Variants in NOL11 observed in about 807,000 individuals in gnomAD.
NOL11 encodes nucleolar protein 11.
In NOL11, 42 loss-of-function variants were observed where a neutral mutation model predicts 93.0. That is an observed-to-expected ratio of 0.45 (90% CI 0.35 to 0.58). The LOEUF is 0.58. Ranked by LOEUF, NOL11 falls within the 20% of genes least tolerant of loss-of-function variation. The pLI, the probability that NOL11 is intolerant of heterozygous loss-of-function variation, is 0.00. For synonymous variants in NOL11, 296 were observed against 293.7 expected, an observed-to-expected ratio of 1.01 and a Z score of -0.08; for missense variants, 775 against 841.8, an observed-to-expected ratio of 0.92 and a Z score of 0.98.
rs1219799073 is a variant in NOL11 at position 67,739,570 on chromosome 17, A to G, written c.1897A>G (p.Met633Val). The G allele has an allele frequency of 6.2e-6, 10 of 1,602,266 alleles. No individual in the cohort carries two copies. The highest frequency in any genetic ancestry group is 1.3e-5 in the African/African-American group (1 of 74,252). Residue 633 changes from methionine to valine, a missense_variant, in exon 16 of 18, where the codon ATG becomes GTG. Coordinates refer to ENST00000253247, the MANE Select transcript of NOL11 (RefSeq NM_015462.5). ...LYLKCSENAT[M>V]TLPGIHPPTL... ...CCTGAAGTGTAGCGAAAATGCTACTATGACTCTTCCTGGAATACACCCACC... is the reference window on the plus strand; with the variant it reads ...CCTGAAGTGTAGCGAAAATGCTACTGTGACTCTTCCTGGAATACACCCACC...
chr17:67,738,902 G>C (rs769494904), intron 14 of NOL11, 30 bp from the exon 15 acceptor site: 13 of 1,405,952 alleles, frequency 9.2e-6, no homozygotes. Flanking sequence ...GCTTCTATTT[G>C]TTGAAGTACG....
intron 16 of NOL11, among the ~76,000 whole-genome samples, chr17:67,741,597 A>T (rs2055257432): frequency 6.6e-6 from 1 of 151,922 alleles, no homozygotes. Flanking sequence ...TCTGAGACAG[A>T]GCCTTGCCCT....
In NOL11 at chr17:67,743,574, T is replaced by A; in HGVS notation, c.2031T>A (p.Leu677=). ...GGCTACTGATAAATCTTTACAAGCT[T>A]GTAAAATCTCAGGTTTGTGATTATT... ...AKRLLINLYK[L]VKSQISVYSE... is the part of the protein sequence containing the mutation. The change falls in exon 17 of 18, where the codon CTT becomes CTA. Residue 677 remains leucine (L), a synonymous_variant. Coordinates refer to ENST00000253247, the MANE Select transcript of NOL11 (RefSeq NM_015462.5). The A allele has an allele frequency of 6.3e-7, 1 of 1,591,986 alleles. No individual in the cohort carries two copies. The highest frequency in any genetic ancestry group is 2.2e-5 in the East Asian group (1 of 44,576).
At chr17:67,734,119 T>G (rs1165227769) in intron 7 of NOL11, among the ~76,000 whole-genome samples, 2 of 152,214 alleles carry the variant, frequency 1.3e-5, no homozygotes, top group African/African-American at 4.8e-5. Context: ...TGGGCTTTTC[T>G]TTGTTGGGTG....
At chr17:67,729,546 C>T (rs1349019703) in intron 7 of NOL11, among the ~76,000 whole-genome samples, 2 of 151,970 alleles carry the variant, frequency 1.3e-5, no homozygotes, top group Non-Finnish European at 1.5e-5. Flanking sequence ...ATGGATTTAC[C>T]TTTTTGGGAT....
At chr17:67,728,376 C>G in intron 7 of NOL11, among the ~76,000 whole-genome samples, 1 of 152,212 alleles carries the variant, frequency 6.6e-6, no homozygotes, top group Non-Finnish European at 1.5e-5. Context: ...AAAGTTGTTA[C>G]TATCCCCCTT....
rs760396053 is a variant in NOL11 at position 67,738,201 on chromosome 17, G to A, written c.1609G>A (p.Glu537Lys). ...FDYSINSVHD[E>K]KMEEQTEILQ... ...CTATAGTATAAATTCTGTACATGAT[G>A]AGAAAATGGAAGAGCAAACTGAAAT... The change falls in exon 14 of 18, where the codon GAG (glutamate) becomes AAG (lysine). Residue 537 changes from glutamate (E) to lysine (K), a missense_variant. Around this residue, in one of 2 missense-constraint regions of NOL11, gnomAD observed 416 missense variants for 525.2 expected, o/e 0.79. Transcript: ENST00000253247. 1 of 1,613,260 alleles carries A rather than the reference G, an allele frequency of 6.2e-7. No individual in the cohort carries two copies. Among genetic ancestry groups the A allele is most frequent in the Non-Finnish European group, 8.5e-7 (1 of 1,179,600 alleles).
rs781770292 is a variant in NOL11, at chr17:67,721,412, A to G, written c.347A>G (p.Gln116Arg). The part of the protein sequence containing the change: ...SAEVYRILSV[Q>R]GTEPLVLFKE... ...GAAGTATATAGGATACTTTCAGTGC[A>G]AGGGACAGAACCCTTGGTGCTCTTC... The change falls in exon 4 of 18, where the codon CAA (glutamine) becomes CGA (arginine). Residue 116 changes from glutamine (Q) to arginine (R), a missense_variant. Physicochemically the swap from Gln to Arg is conservative, Grantham distance 43. Around this residue, in one of 2 missense-constraint regions of NOL11, gnomAD observed 359 missense variants for 316.5 expected, o/e 1.13. Transcript: ENST00000253247. The G allele has an allele frequency of 2.5e-6, 4 of 1,608,744 alleles. No homozygotes were observed. The highest frequency in any genetic ancestry group is 3.4e-6 in the Non-Finnish European group (4 of 1,178,266).
At chr17:67,734,742 G>C (rs943540787) in intron 8 of NOL11, among the ~76,000 whole-genome samples, 12 of 152,178 alleles carry the variant, frequency 7.9e-5, no homozygotes, top group African/African-American at 1.4e-4. Flanking sequence ...GGAGTTCAAG[G>C]CTTCAGTGCT....
At position 67,737,534 on chromosome 17, in the gene NOL11, A is replaced by G; in HGVS notation, c.1245A>G (p.Val415=). 1.9e-6 allele frequency: 3 copies of G among 1,607,246 alleles called. No homozygotes were observed. The highest frequency in any genetic ancestry group is 1.3e-5 in the African/African-American group (1 of 74,658). The change falls in exon 12 of 18, where the codon GTA becomes GTG. Residue 415 remains valine, a synonymous_variant. Transcript: ENST00000253247. ...AAGATTCAGAAAAACACATTGAAGT[A>G]GAAGTACGGAAATTTTTGGCTCTGA... is the stretch of plus-strand genomic sequence containing the variant. ...IMKDSEKHIE[V]EVRKFLALKQ... is the part of the protein sequence containing the mutation.
chr17:67,724,239 T>G, intron 6 of NOL11, 46 bp downstream of exon 6: 1 of 1,124,606 alleles, frequency 8.9e-7, no homozygotes, highest in Non-Finnish European at 1.3e-6. Flanking sequence ...AATAGAGGAT[T>G]GTTATAGGAT....
chr17:67,726,830 T>TAAA, intron 7 of NOL11, 182 bp downstream of exon 7: 1 of 481,568 alleles, frequency 2.1e-6, no homozygotes, highest in Non-Finnish European at 3.6e-6. Context: ...TTATTTTGCA[T>TAAA]TGATCTTTCA....
chr17:67,727,870 G>A (rs1344331750), intron 7 of NOL11, among the ~76,000 whole-genome samples: 4 of 147,452 alleles, frequency 2.7e-5, no homozygotes, highest in African/African-American at 7.6e-5. Flanking sequence ...GCAGTGAGCC[G>A]AGATTGCACT....
intron 7 of NOL11, among the ~76,000 whole-genome samples, chr17:67,730,197 A>C (rs2055139460): frequency 6.6e-6 from 1 of 152,022 alleles, no homozygotes; most frequent in Non-Finnish European, 1.5e-5. Context: ...GTTATTGTGA[A>C]TATCACTATG....
chr17:67,732,894 G>C (rs1374404490), intron 7 of NOL11, among the ~76,000 whole-genome samples: 1 of 151,428 alleles, frequency 6.6e-6, no homozygotes, highest in African/African-American at 2.4e-5. Context: ...TTCTTAATTT[G>C]CTTTTTGTTT....
intron 16 of NOL11, among the ~76,000 whole-genome samples, chr17:67,741,426 C>T (rs943826200): frequency 6.6e-6 from 1 of 151,956 alleles, no homozygotes; most frequent in East Asian, 1.9e-4. Context: ...CCCTGTGTTA[C>T]CCAGGCTGGT....
At position 67,744,049 on chromosome 17, in the gene NOL11, CT is replaced by C; in HGVS notation, c.*191del. ...AGGTTTCACATGAACCTGTTCTAGG[CT>C]GTGGACATTGGTGTGGAGAGGTTCT... is the stretch of plus-strand genomic sequence containing the variant. On this transcript the variant is annotated 3_prime_UTR_variant, in exon 18 of 18. Transcript: ENST00000253247. The C allele has an allele frequency of 3.0e-6, 1 of 337,028 alleles. No individual in the cohort carries two copies. Among genetic ancestry groups the C allele is most frequent in the Non-Finnish European group, 5.3e-6 (1 of 187,468 alleles). The allele number at this position is 337,028 out of a possible 1,614,324, so 20.9% of individuals were successfully genotyped here.
intron 16 of NOL11, among the ~76,000 whole-genome samples, chr17:67,742,896 T>C (rs567329639): frequency 6.6e-6 from 1 of 152,302 alleles, no homozygotes; most frequent in East Asian, 1.9e-4. Context: ...GTGGTTATTT[T>C]TTTGTGTGTG....
At chr17:67,721,233 A>G (rs2043215698) in intron 3 of NOL11, 145 bp from the exon 4 acceptor site, 3 of 513,876 alleles carry the variant, frequency 5.8e-6, no homozygotes, top group Non-Finnish European at 9.9e-6. Context: ...TGTAGGTTAG[A>G]TTTTGGAACC....
Sources: gnomAD v4.1 joint callset for allele counts (sites outside exome capture counted in the v4.1 genomes callset) on GRCh38, gnomAD v4.1.1 for gene constraint, gnomAD v4.1.1 regional missense constraint, MANE v1.5 for transcripts, NCBI Gene and HGNC (gene_info 2026-07-23, HGNC 2026-07-21) for gene names.